Variants in PLPPR5 observed in about 807,000 individuals in gnomAD.
PLPPR5 encodes the protein phospholipid phosphatase related 5.
Under a neutral mutation model 33.9 loss-of-function variants are expected in PLPPR5, and 16 were observed. That is an observed-to-expected ratio of 0.47 (90% CI 0.32 to 0.72). PLPPR5 has a LOEUF of 0.72. PLPPR5 is among the 30% of genes least tolerant of loss of function. The pLI, the probability that PLPPR5 is intolerant of heterozygous loss-of-function variation, is 0.03. For synonymous variants in PLPPR5, 163 were observed against 150.3 expected, an observed-to-expected ratio of 1.08 and a Z score of -0.62; for missense variants, 301 against 406.7, an observed-to-expected ratio of 0.74 and a Z score of 2.23.
intron 1 of PLPPR5, among the ~76,000 whole-genome samples, chr1:98,970,877 TTATAA>T (rs1412843578): frequency 2.6e-5 from 4 of 152,114 alleles, no homozygotes. Flanking sequence ...AAACTTGACA[TTATAA>T]TATTTTATTA....
At chr1:98,945,246 A>T (rs1357819655) in intron 3 of PLPPR5, among the ~76,000 whole-genome samples, 1 of 152,216 alleles carries the variant, frequency 6.6e-6, no homozygotes, top group East Asian at 1.9e-4. Context: ...ATTAAAGAAC[A>T]ATTAAAATCC....
chr1:98,958,492 C>T (rs1651104818), intron 1 of PLPPR5, among the ~76,000 whole-genome samples: 2 of 151,810 alleles, frequency 1.3e-5, no homozygotes, highest in African/African-American at 4.8e-5. Flanking sequence ...CTAGTCTTGC[C>T]TATTTGGTGA....
chr1:99,001,444 T>C (rs1652837139), intron 1 of PLPPR5, among the ~76,000 whole-genome samples: 1 of 151,860 alleles, frequency 6.6e-6, no homozygotes, highest in Non-Finnish European at 1.5e-5. Context: ...CCCCAACTCT[T>C]AACAATGCAG....
At chr1:98,948,227 G>A (rs1366042340) in intron 3 of PLPPR5, among the ~76,000 whole-genome samples, 1 of 152,142 alleles carries the variant, frequency 6.6e-6, no homozygotes, top group Admixed American at 6.6e-5. Context: ...GGGGCAAACA[G>A]ACACTAGTGG....
chr1:98,906,997 C>T (rs563883353), intron 5 of PLPPR5, among the ~76,000 whole-genome samples: 5 of 152,044 alleles, frequency 3.3e-5, no homozygotes, highest in Admixed American at 2.6e-4. Flanking sequence ...GTAATATAAC[C>T]GTCAACATTT....
chr1:98,995,321 G>A (rs995808210), intron 1 of PLPPR5, among the ~76,000 whole-genome samples: 1 of 152,088 alleles, frequency 6.6e-6, no homozygotes, highest in Non-Finnish European at 1.5e-5. Flanking sequence ...AAGGTGAAGG[G>A]TGAGAGGAGG....
intron 1 of PLPPR5, among the ~76,000 whole-genome samples, chr1:98,963,241 C>A (rs1244888379): frequency 6.6e-6 from 1 of 152,142 alleles, no homozygotes; most frequent in Non-Finnish European, 1.5e-5. Flanking sequence ...TATTCTATTG[C>A]AACTTTATTC....
intron 1 of PLPPR5, among the ~76,000 whole-genome samples, chr1:98,983,613 T>C (rs1382232439): frequency 6.6e-6 from 1 of 151,512 alleles, no homozygotes; most frequent in Non-Finnish European, 1.5e-5. Flanking sequence ...AGTAATGGGA[T>C]GGCTGGGTCA....
At chr1:98,922,999 C>CA (rs141898134) in intron 3 of PLPPR5, among the ~76,000 whole-genome samples, 68,674 of 149,166 alleles carry the variant, frequency 0.46, 17,035 homozygotes, top group East Asian at 0.72. Context: ...ACAACAACAA[C>CA]AACAAAAAAA....
rs368005211 is a variant in PLPPR5, at chr1:98,951,099, G to A, written c.621+1971C>T. ...TGTCTCCCATCATTGGCTAGGTCACGTATTTATATGCAGATATATTTGCAA... is the reference window on the plus strand; with the variant it reads ...TGTCTCCCATCATTGGCTAGGTCACATATTTATATGCAGATATATTTGCAA... On this transcript the variant is annotated intron_variant, in intron 3 of 5. Coordinates refer to ENST00000263177, the MANE Select transcript of PLPPR5 (RefSeq NM_001037317.2). Among the ~76,000 whole-genome samples, 123 of 152,224 alleles carry A rather than the reference G, an allele frequency of 8.1e-4. 3 individuals carry two copies. The highest frequency in any genetic ancestry group is 2.8e-3 in the African/African-American group (116 of 41,546).
intron 1 of PLPPR5, among the ~76,000 whole-genome samples, chr1:98,971,634 TG>T (rs942730415): frequency 6.6e-6 from 1 of 152,022 alleles, no homozygotes; most frequent in African/African-American, 2.4e-5. Flanking sequence ...GCTTTTCTAC[TG>T]AGTCCTATTG....
chr1:98,944,628 C>A (rs939462366), intron 3 of PLPPR5, among the ~76,000 whole-genome samples: 2 of 152,212 alleles, frequency 1.3e-5, no homozygotes, highest in East Asian at 3.8e-4. Flanking sequence ...ATATGCTATA[C>A]CCAGTTTGTG....
chr1:98,965,528 C>A (rs1651415093), intron 1 of PLPPR5, among the ~76,000 whole-genome samples: 1 of 152,006 alleles, frequency 6.6e-6, no homozygotes, highest in Non-Finnish European at 1.5e-5. Context: ...AGTAAAAAGC[C>A]CCATTCTGCT....
intron 1 of PLPPR5, chr1:99,004,210 A>G: frequency 1.8e-6 from 1 of 548,256 alleles, no homozygotes; most frequent in Non-Finnish European, 3.2e-6. Flanking sequence ...CCAACGCTGA[A>G]GCCACCGCGG....
intron 1 of PLPPR5, among the ~76,000 whole-genome samples, chr1:98,963,188 G>A (rs946969742): frequency 6.6e-6 from 1 of 152,120 alleles, no homozygotes; most frequent in African/African-American, 2.4e-5. Flanking sequence ...ATCTTGGTAG[G>A]CAGTGCATGG....
At chr1:98,965,701 G>A (rs1045387839) in intron 1 of PLPPR5, among the ~76,000 whole-genome samples, 4 of 152,112 alleles carry the variant, frequency 2.6e-5, no homozygotes, top group African/African-American at 4.8e-5. Flanking sequence ...AGAGAAAATC[G>A]CTGTAGATTT....
At chr1:98,926,881 C>A (rs1410612929) in intron 3 of PLPPR5, among the ~76,000 whole-genome samples, 1 of 152,118 alleles carries the variant, frequency 6.6e-6, no homozygotes, top group Admixed American at 6.5e-5. Flanking sequence ...TTAAGCCAAC[C>A]GTGTAATGTC....
At chr1:98,917,450 C>T (rs989335743) in intron 4 of PLPPR5, among the ~76,000 whole-genome samples, 2 of 152,186 alleles carry the variant, frequency 1.3e-5, no homozygotes, top group Non-Finnish European at 2.9e-5. Flanking sequence ...CAAATGCAAA[C>T]TGGATTATGT....
chr1:98,900,488 C>G (rs547938975), intron 5 of PLPPR5, among the ~76,000 whole-genome samples: 1 of 152,140 alleles, frequency 6.6e-6, no homozygotes, highest in South Asian at 2.1e-4. Flanking sequence ...TCATAGTGCT[C>G]TGTATTTAAT....
Sources: allele counts gnomAD v4.1 joint callset (sites outside exome capture counted in the v4.1 genomes callset), GRCh38; gene constraint gnomAD v4.1.1; transcripts MANE v1.5; gene names NCBI Gene and HGNC (gene_info 2026-07-23, HGNC 2026-07-21).